The following MYO19 variants were observed in gnomAD, a reference collection of about 807,000 sequenced individuals.
The protein encoded by MYO19 is myosin XIX.
A neutral mutation model predicts 129.2 loss-of-function variants in MYO19; 132 were observed. The observed-to-expected ratio is 1.02, with a 90% CI of 0.89 to 1.18. The LOEUF is 1.18. Ranked by LOEUF, MYO19 falls within the 50% of genes most tolerant of loss-of-function variation. The pLI is 0.00. For missense variants in MYO19, 1,210 were observed against 1,216.7 expected, an observed-to-expected ratio of 0.99 and a Z score of 0.08; for synonymous variants, 531 against 477.2, an observed-to-expected ratio of 1.11 and a Z score of -1.47.
intron 6 of MYO19, among the ~76,000 whole-genome samples, chr17:36,521,522 G>A (rs2073129216): frequency 6.6e-6 from 1 of 152,154 alleles, no homozygotes; most frequent in African/African-American, 2.4e-5. Context: ...TCCAGAAGGA[G>A]AAAACAGGGG....
rs927219170 is a variant in MYO19 at position 36,503,963 on chromosome 17, C to T, written c.1963G>A (p.Gly655Ser). The T allele has an allele frequency of 1.3e-6, 2 of 1,592,708 alleles. No homozygotes were observed. Among genetic ancestry groups the T allele is most frequent in the Non-Finnish European group, 1.7e-6 (2 of 1,170,670 alleles). The change falls in exon 20 of 26, where the codon GGC (glycine) becomes AGC (serine). Residue 655 changes from glycine to serine, a missense_variant. Coordinates refer to ENST00000614623, the MANE Select transcript of MYO19 (RefSeq NM_001163735.2). ...LVETIHISAAGFPIRVSHRNF... is the reference protein window; with the variant it reads ...LVETIHISAASFPIRVSHRNF... ...GAGCCCACTCACCGGATGGGGAAGCCAGCAGCACTGATATGGATGGTCTCC... is the reference window on the plus strand; with the variant it reads ...GAGCCCACTCACCGGATGGGGAAGCTAGCAGCACTGATATGGATGGTCTCC...
intron 6 of MYO19, among the ~76,000 whole-genome samples, chr17:36,520,865 T>C (rs972454317): frequency 3.3e-5 from 5 of 152,350 alleles, no homozygotes; most frequent in Admixed American, 2.0e-4. Context: ...AGATTTTCAA[T>C]TGCGTGGGGA....
At chr17:36,534,720 C>A (rs988699939) in intron 1 of MYO19, 41 bp downstream of exon 1, 8 of 152,258 alleles carry the variant, frequency 5.3e-5, no homozygotes, top group African/African-American at 1.9e-4. Flanking sequence ...GCCCCTTCCG[C>A]GTCTGAAGGG....
intron 6 of MYO19, 110 bp from the exon 7 acceptor site, chr17:36,516,100 G>A: frequency 7.7e-7 from 1 of 1,291,848 alleles, no homozygotes; most frequent in South Asian, 1.6e-5. Flanking sequence ...GTGTGTTGCT[G>A]ACAAAATGGG....
chr17:36,537,975 A>G (rs148837720), upstream of MYO19: 24 of 1,614,048 alleles, frequency 1.5e-5, no homozygotes, highest in African/African-American at 1.9e-4. Flanking sequence ...CACTGATGGT[A>G]GTGGCACACG....
In MYO19 at chr17:36,527,607, G is replaced by A. The variant is rs200203036; in HGVS notation, c.244C>T (p.Pro82Ser). 1.2e-5 allele frequency: 19 copies of A among 1,614,008 alleles called. No individual in the cohort carries two copies. The highest frequency in any genetic ancestry group is 1.4e-5 in the Non-Finnish European group (17 of 1,179,902). Residue 82 changes from proline to serine, a missense_variant, in exon 5 of 26, where the codon CCT becomes TCT. By Grantham distance (74) the Pro-to-Ser change is moderately conservative. Transcript: ENST00000614623. ...LVALNPFKPV[P>S]QLYSPELMRE... is the part of the protein sequence containing the mutation. ...ATTAGCTCGGGCGAGTAGAGCTGAG[G>A]AACAGGCTTGAAGGGGTTCAAGGCT...
At chr17:36,526,447 T>A (rs1161831914) in intron 5 of MYO19, among the ~76,000 whole-genome samples, 1 of 152,112 alleles carries the variant, frequency 6.6e-6, no homozygotes, top group Non-Finnish European at 1.5e-5. Flanking sequence ...ACCAACAAGC[T>A]CATTATCTGT....
chr17:36,517,363 G>C (rs570793980), intron 6 of MYO19, among the ~76,000 whole-genome samples: 7 of 152,256 alleles, frequency 4.6e-5, no homozygotes, highest in African/African-American at 1.7e-4. Flanking sequence ...GGGTTCAAGT[G>C]ATTCTCCTGC....
At chr17:36,514,574 G>A (rs748467113) in intron 8 of MYO19, 26 bp from the exon 9 acceptor site, 101 of 1,467,280 alleles carry the variant, frequency 6.9e-5, no homozygotes, top group Non-Finnish European at 8.5e-5. Flanking sequence ...GCCAGAGCCC[G>A]TTAGTTGCCC....
In MYO19 at chr17:36,506,965, T is replaced by C; in HGVS notation, c.1642A>G (p.Lys548Glu). ...ACAGGGCATGGCCCAGCCCGTACCT[T>C]GTTCTTCTCCACCAGGCCTGCTGTG... ...YHTAGLVEKN[K>E]DPIPPELTRL... The change falls in exon 17 of 26, where the codon AAG (lysine) becomes GAG (glutamate). Residue 548 changes from lysine (K) to glutamate (E), a missense_variant and splice_region_variant. Lys to Glu is a moderately conservative substitution (Grantham distance 56). Transcript: ENST00000614623. 1 of 1,593,076 alleles carries C rather than the reference T, an allele frequency of 6.3e-7. No homozygotes were observed. The highest frequency in any genetic ancestry group is 8.6e-7 in the Non-Finnish European group (1 of 1,164,556).
Position 36,510,892 on chromosome 17 carries a change from C to G in MYO19, c.1011G>C (p.Leu337=). Residue 337 remains leucine (L), a synonymous_variant, in exon 13 of 26, where the codon CTG becomes CTC. Transcript: ENST00000614623. ...AKYSVRTAAS[L]LGLPEDVLLE... The stretch of plus-strand genomic sequence containing the variant: ...GCAGCACGTCCTCTGGGAGCCCCAG[C>G]AGCGAGGCTGCCGTCCTGACAGAGT... 1 of 1,580,734 alleles carries G rather than the reference C, an allele frequency of 6.3e-7. No homozygotes were observed. Among genetic ancestry groups the G allele is most frequent in the Non-Finnish European group, 8.6e-7 (1 of 1,163,070 alleles).
chr17:36,513,053 A>C (rs1404966669), intron 11 of MYO19: 22 of 1,174,382 alleles, frequency 1.9e-5, no homozygotes, highest in Non-Finnish European at 2.3e-5. Flanking sequence ...ACACACACAG[A>C]GGACTGTTTA....
intron 22 of MYO19, 24 bp from the exon 23 acceptor site, chr17:36,500,983 G>A (rs370060016): frequency 1.4e-4 from 220 of 1,607,354 alleles, no homozygotes; most frequent in Non-Finnish European, 1.8e-4. Flanking sequence ...CATCCATTGA[G>A]GGCAGCCTCT....
upstream of MYO19, chr17:36,539,020 G>T (rs138661637): frequency 6.7e-3 from 1,155 of 173,522 alleles, 12 homozygotes; most frequent in African/African-American, 0.026. Context: ...CTCCCAAAGT[G>T]CTGGGATTAC....
Position 36,525,359 on chromosome 17 carries a change from GA to G in MYO19, c.301-19del. 1 of 1,558,636 alleles carries G rather than the reference GA, an allele frequency of 6.4e-7. No individual in the cohort carries two copies. Among genetic ancestry groups the G allele is most frequent in the Non-Finnish European group, 8.8e-7 (1 of 1,130,448 alleles). On this transcript the variant is annotated intron_variant, in intron 5 of 25. Transcript: ENST00000614623. The stretch of plus-strand genomic sequence containing the variant: ...TTCAGTTTCTGGAACATCAAGGAGT[GA>G]AAGGTCATGTGAGGGAATGCCTGTT...
At chr17:36,538,169 A>G (rs781391447), upstream of MYO19, 56 of 1,613,808 alleles carry the variant, frequency 3.5e-5, no homozygotes, top group Non-Finnish European at 4.4e-5. Context: ...CTCTTTACGT[A>G]GTTCAAGTAA....
rs1340242066 is a variant in MYO19, at chr17:36,510,925, G to A, written c.986-8C>T. The A allele has an allele frequency of 6.4e-7, 1 of 1,565,068 alleles. No homozygotes were observed. Among genetic ancestry groups the A allele is most frequent in the South Asian group, 1.2e-5 (1 of 84,944 alleles). On this transcript the variant is annotated splice_polypyrimidine_tract_variant and splice_region_variant and intron_variant, in intron 12 of 25. Transcript: ENST00000614623. Reference sequence around the variant, plus strand: ...CTGCCGTCCTGACAGAGTCTGGGAGGGGCAAATCCTCTTTAGGCAAATCAC... The same window carrying A: ...CTGCCGTCCTGACAGAGTCTGGGAGAGGCAAATCCTCTTTAGGCAAATCAC...
chr17:36,512,895 G>C (rs542149278), intron 11 of MYO19: 5 of 1,078,956 alleles, frequency 4.6e-6, no homozygotes, highest in Non-Finnish European at 5.9e-6. Flanking sequence ...TCATGTTCCA[G>C]AGGACGACGG....
intron 2 of MYO19, among the ~76,000 whole-genome samples, chr17:36,541,642 C>T (rs564213039): frequency 2.6e-5 from 4 of 152,296 alleles, no homozygotes; most frequent in African/African-American, 9.6e-5. Context: ...TGTTGATTGC[C>T]TTTACTTTCC....
Sources: gnomAD v4.1 joint callset for allele counts (sites outside exome capture counted in the v4.1 genomes callset) on GRCh38, gnomAD v4.1.1 for gene constraint, MANE v1.5 for transcripts, NCBI Gene and HGNC (gene_info 2026-07-23, HGNC 2026-07-21) for gene names.